Variants in FBXL3 observed in about 807,000 individuals in gnomAD.
FBXL3 encodes F-box and leucine rich repeat protein 3.
FBXL3 carries 14 observed loss-of-function variants against 37.9 expected under a neutral mutation model. That is an observed-to-expected ratio of 0.37 (90% confidence interval 0.24 to 0.58). The LOEUF is 0.58. Among genes scored for constraint, FBXL3 ranks in the 20% least tolerant of loss-of-function variants. The pLI is 0.74. For missense variants in FBXL3, 327 were observed against 511.1 expected, an observed-to-expected ratio of 0.64 and a Z score of 3.47; for synonymous variants, 194 against 180.1, an observed-to-expected ratio of 1.08 and a Z score of -0.62.
rs903638327 is a variant in FBXL3, at chr13:77,026,447, G to T, written c.-2+380C>A. 61 of 855,714 alleles carry T rather than the reference G, an allele frequency of 7.1e-5. No homozygotes were observed. In the African/African-American group the frequency reaches 1.1e-3, roughly 15 times the overall value. 53.0% of individuals were successfully genotyped at this position (855,714 alleles called of 1,614,324 possible). On this transcript the variant is annotated intron_variant, in intron 1 of 4. Coordinates refer to ENST00000355619, the MANE Select transcript of FBXL3 (RefSeq NM_012158.4). Reference sequence around the variant, plus strand: ...TCAAGCTACCAGCACGGGCGTAGCCGACGCCGGGAGAGCCCACAGAGTGCG... The same window carrying T: ...TCAAGCTACCAGCACGGGCGTAGCCTACGCCGGGAGAGCCCACAGAGTGCG...
chr13:77,007,115 G>A lies in FBXL3; in HGVS notation c.*30C>T, dbSNP rs769422396. 2 of 1,546,328 alleles carry A rather than the reference G, an allele frequency of 1.3e-6. No individual in the cohort carries two copies. Among genetic ancestry groups the A allele is most frequent in the East Asian group, 2.3e-5 (1 of 44,288 alleles). ...AACTTTAATTATAATACATTTGCTT[G>A]AAATTAAGGTGCTATTCATCATGCA... On this transcript the variant is annotated 3_prime_UTR_variant, in exon 5 of 5. Transcript: ENST00000355619.
intron 4 of FBXL3, among the ~76,000 whole-genome samples, chr13:77,008,034 C>T (rs1010123359): frequency 6.6e-6 from 1 of 152,148 alleles, no homozygotes; most frequent in Admixed American, 6.5e-5. Context: ...ACTCAGTTAA[C>T]TCTGTCATTT....
At chr13:77,021,451 G>A in intron 2 of FBXL3, 62 bp downstream of exon 2, 3 of 1,266,600 alleles carry the variant, frequency 2.4e-6, no homozygotes, top group Non-Finnish European at 3.3e-6. Flanking sequence ...AAGATGTACT[G>A]GTTTAGGAAA....
chr13:77,025,611 C>T (rs1168676407), intron 1 of FBXL3, among the ~76,000 whole-genome samples: 5 of 139,160 alleles, frequency 3.6e-5, no homozygotes, highest in Admixed American at 1.7e-4. Flanking sequence ...TACTAGGGAG[C>T]CTGGGGTGGG....
chr13:77,021,914 A>G, intron 1 of FBXL3, 53 bp from the exon 2 acceptor site: 1 of 1,404,492 alleles, frequency 7.1e-7, no homozygotes. Context: ...GAATAGAAAT[A>G]AACTCAAAAT....
At position 77,005,713 on chromosome 13, in the gene FBXL3, G is replaced by C. The variant is rs775307740; in HGVS notation, c.*1432C>G. The C allele has an allele frequency of 3.1e-4, 47 of 152,174 alleles. No homozygotes were observed. Among genetic ancestry groups the C allele is most frequent in the Non-Finnish European group, 5.4e-4 (37 of 67,948 alleles). 9.4% of individuals were successfully genotyped at this position (152,174 alleles called of 1,614,324 possible). ...CCATCCGTTTTAAAAGTAGATCTAA[G>C]ACTGTTAGCTTCCTCAACCACTGAG... is the stretch of plus-strand genomic sequence containing the variant. On this transcript the variant is annotated 3_prime_UTR_variant, in exon 5 of 5. Transcript: ENST00000355619.
In FBXL3 at chr13:77,007,808, T is replaced by C; in HGVS notation, c.644-20A>G. 1 of 1,527,320 alleles carries C rather than the reference T, an allele frequency of 6.5e-7. No homozygotes were observed. Among genetic ancestry groups the C allele is most frequent in the Non-Finnish European group, 8.8e-7 (1 of 1,139,128 alleles). The allele number at this position is 1,527,320 out of a possible 1,614,324, so 94.6% of individuals were successfully genotyped here. On this transcript the variant is annotated intron_variant, in intron 4 of 4. Transcript: ENST00000355619. Reference sequence around the variant, plus strand: ...GGATACCTTGAAAGAAAAAAAAAATTATTTGCAAGTTTTTGTAAAAGTTTA... The same window carrying C: ...GGATACCTTGAAAGAAAAAAAAAATCATTTGCAAGTTTTTGTAAAAGTTTA...
At chr13:77,017,543 G>A (rs772918220) in intron 3 of FBXL3, 1 of 152,098 alleles carries the variant, frequency 6.6e-6, no homozygotes, top group Non-Finnish European at 1.5e-5. Flanking sequence ...TTGAAAAAGG[G>A]ATAGAAATCC....
chr13:77,022,539 G>C (rs928579413), intron 1 of FBXL3, among the ~76,000 whole-genome samples: 7 of 152,200 alleles, frequency 4.6e-5, no homozygotes, highest in African/African-American at 1.4e-4. Flanking sequence ...ATCTGAGGTG[G>C]AACAGTTTCT....
At chr13:77,023,146 CTCAT>C (rs138082671) in intron 1 of FBXL3, among the ~76,000 whole-genome samples, 2,257 of 141,432 alleles carry the variant, frequency 0.016, 30 homozygotes, top group East Asian at 0.071. Flanking sequence ...ATTCCGTTCA[CTCAT>C]TCATTCATTC....
Position 77,005,680 on chromosome 13 carries a change from TAAG to T in FBXL3, c.*1462_*1464del, listed in dbSNP as rs2034438521. The T allele has an allele frequency of 6.6e-6, 1 of 152,152 alleles. No homozygotes were observed. The highest frequency in any genetic ancestry group is 2.4e-5 in the African/African-American group (1 of 41,452). 9.4% of individuals were successfully genotyped at this position (152,152 alleles called of 1,614,324 possible). On this transcript the variant is annotated 3_prime_UTR_variant, in exon 5 of 5. Transcript: ENST00000355619. The stretch of plus-strand genomic sequence containing the variant: ...AGAAAATCACCTTTTGCTTTATTCT[TAAG>T]AAGGCCATCCGTTTTAAAAGTAGAT...
At chr13:77,022,156 G>T (rs1483335349) in intron 1 of FBXL3, among the ~76,000 whole-genome samples, 1 of 152,150 alleles carries the variant, frequency 6.6e-6, no homozygotes. Flanking sequence ...ACTATGCTAA[G>T]AATTTATATT....
chr13:77,022,789 T>C (rs1196744989), intron 1 of FBXL3, among the ~76,000 whole-genome samples: 1 of 152,210 alleles, frequency 6.6e-6, no homozygotes, highest in Non-Finnish European at 1.5e-5. Flanking sequence ...CATTAGTTTC[T>C]TTGAAAGATA....
rs576226803 is a variant in FBXL3 at position 77,005,302 on chromosome 13, A to G, written c.*1843T>C. ...ATTCTCAAAGTGATAAAAGCATTTA[A>G]CATATACTTTACAGTATAAACAAAT... On this transcript the variant is annotated 3_prime_UTR_variant, in exon 5 of 5. Transcript: ENST00000355619. 3 of 152,622 alleles carry G rather than the reference A, an allele frequency of 2.0e-5. No homozygotes were observed. The highest frequency in any genetic ancestry group is 6.5e-5 in the Admixed American group (1 of 15,280). The allele number at this position is 152,622 out of a possible 1,614,324, so 9.5% of individuals were successfully genotyped here.
At chr13:77,019,841 TA>T (rs766215711) in intron 2 of FBXL3, among the ~76,000 whole-genome samples, 88 of 147,388 alleles carry the variant, frequency 6.0e-4, no homozygotes, top group African/African-American at 2.0e-3. Context: ...TCAGGAAAAT[TA>T]AAAAAAAAAC....
intron 3 of FBXL3, chr13:77,016,108 A>C (rs1366540933): frequency 3.3e-5 from 5 of 152,200 alleles, no homozygotes; most frequent in African/African-American, 1.2e-4. Context: ...TAAAATTCCA[A>C]GTTTAAAACT....
At chr13:77,025,719 A>G (rs2034826566) in intron 1 of FBXL3, among the ~76,000 whole-genome samples, 1 of 145,876 alleles carries the variant, frequency 6.9e-6, no homozygotes, top group East Asian at 2.0e-4. Context: ...AAAACTTTGA[A>G]AGAAGCAACT....
intron 2 of FBXL3, among the ~76,000 whole-genome samples, chr13:77,019,883 T>A (rs554869010): frequency 2.6e-4 from 39 of 151,608 alleles, no homozygotes; most frequent in Non-Finnish European, 4.1e-4. Flanking sequence ...TTTGCACAAA[T>A]GATTTTATGA....
At position 77,021,621 on chromosome 13, in the gene FBXL3, T is replaced by A; in HGVS notation, c.240A>T (p.Glu80Asp). 6.2e-7 allele frequency: 1 copy of A among 1,614,176 alleles called. No individual in the cohort carries two copies. ...ATGTAGCTGGCTGATTCAGTTCAAATTCAAAACATCTCCACAAGTCAGGCA... is the reference window on the plus strand; with the variant it reads ...ATGTAGCTGGCTGATTCAGTTCAAAATCAAAACATCTCCACAAGTCAGGCA... Reference protein sequence around the residue: ...FHMPDLWRCFEFELNQPATSY... With the variant: ...FHMPDLWRCFDFELNQPATSY... The change falls in exon 2 of 5, where the codon GAA (glutamate) becomes GAT (aspartate). Residue 80 changes from glutamate to aspartate, a missense_variant. Glu to Asp is a conservative substitution (Grantham distance 45). Coordinates refer to ENST00000355619, the MANE Select transcript of FBXL3 (RefSeq NM_012158.4).
Sources: gnomAD v4.1 joint callset for allele counts (sites outside exome capture counted in the v4.1 genomes callset) on GRCh38, gnomAD v4.1.1 for gene constraint, MANE v1.5 for transcripts, NCBI Gene and HGNC (gene_info 2026-07-23, HGNC 2026-07-21) for gene names.